The following PZP variants were observed in gnomAD, a reference collection of about 807,000 sequenced individuals.
PZP encodes PZP alpha-2-macroglobulin like.
PZP carries 150 observed loss-of-function variants against 179.8 expected under a neutral mutation model. The observed-to-expected ratio is 0.83, with a 90% CI of 0.73 to 0.96. PZP has a LOEUF of 0.96. PZP is among the 40% of genes least tolerant of loss of function. The pLI, the probability that PZP is intolerant of heterozygous loss-of-function variation, is 0.00. For missense variants in PZP, 1,689 were observed against 1,764.0 expected (o/e 0.96, Z 0.76); for synonymous variants, 624 against 652.3 (o/e 0.96, Z 0.66).
chr12:9,201,207 G>A, intron 5 of PZP, 120 bp downstream of exon 5: 2 of 1,324,848 alleles, frequency 1.5e-6, no homozygotes, highest in Non-Finnish European at 2.1e-6. Flanking sequence ...TGACAACTGG[G>A]AGTAGGAGGA....
intron 7 of PZP, among the ~76,000 whole-genome samples, chr12:9,198,053 T>C (rs1943937162): frequency 6.8e-6 from 1 of 147,656 alleles, no homozygotes; most frequent in Admixed American, 7.0e-5. Context: ...AACATATATA[T>C]ATATATGTTT....
chr12:9,188,397 C>T (rs1943253586), intron 13 of PZP, among the ~76,000 whole-genome samples: 1 of 152,178 alleles, frequency 6.6e-6, no homozygotes. Flanking sequence ...CCATCTATGA[C>T]AAACCCATGG....
chr12:9,140,145 A>T, the PZP span, among the ~76,000 whole-genome samples: 10 of 152,218 alleles, frequency 6.6e-5, no homozygotes, highest in Admixed American at 5.9e-4. Context: ...CATTAGGCTG[A>T]TGCCCTTTGG....
At chr12:9,203,739 G>A in intron 2 of PZP, 29 bp downstream of exon 2, 1 of 1,612,200 alleles carries the variant, frequency 6.2e-7, no homozygotes, top group Non-Finnish European at 8.5e-7. Flanking sequence ...TATCAAGCAG[G>A]GATAGCCAGC....
At chr12:9,194,666 A>C in intron 10 of PZP, among the ~76,000 whole-genome samples, 3 of 151,988 alleles carry the variant, frequency 2.0e-5, no homozygotes, top group Middle Eastern at 6.8e-3. Flanking sequence ...GGGTTTCACC[A>C]TGTTAGCCAG....
downstream of PZP, among the ~76,000 whole-genome samples, chr12:9,146,036 G>T (rs1156772524): frequency 1.3e-5 from 2 of 152,056 alleles, no homozygotes; most frequent in African/African-American, 4.8e-5. Context: ...ATCTTACTTA[G>T]TTATTTTTGA....
At chr12:9,144,229 G>C (rs754526042), downstream of PZP, among the ~76,000 whole-genome samples, 1 of 152,280 alleles carries the variant, frequency 6.6e-6, no homozygotes, top group African/African-American at 2.4e-5. Context: ...TGAGGGAGGA[G>C]GAGGGGACAA....
chr12:9,201,722 C>T (rs901764811), intron 4 of PZP, among the ~76,000 whole-genome samples: 2 of 151,920 alleles, frequency 1.3e-5, no homozygotes, highest in Non-Finnish European at 2.9e-5. Flanking sequence ...TGATTTAGAC[C>T]TAACAGAAAT....
At chr12:9,145,776 A>G (rs1163760938), downstream of PZP, among the ~76,000 whole-genome samples, 1 of 152,168 alleles carries the variant, frequency 6.6e-6, no homozygotes, top group Non-Finnish European at 1.5e-5. Flanking sequence ...GAAAGTCTTT[A>G]TTACTCCTCC....
At chr12:9,190,839 T>C (rs1342056514) in intron 13 of PZP, among the ~76,000 whole-genome samples, 1 of 152,194 alleles carries the variant, frequency 6.6e-6, no homozygotes, top group African/African-American at 2.4e-5. Flanking sequence ...GAGAACAATA[T>C]GAGGAAGCTC....
At position 9,208,297 on chromosome 12, in the gene PZP, A is replaced by T; in HGVS notation, c.45T>A (p.Leu15=). ...RLLHLCLVLL[L]ILLSASDSNS... is the part of the protein sequence containing the mutation. ...TTGAGTCACTGGCAGAAAGCAGGATAAGAAGTAGCACAAGACATAAATGAA... is the reference window on the plus strand; with the variant it reads ...TTGAGTCACTGGCAGAAAGCAGGATTAGAAGTAGCACAAGACATAAATGAA... Residue 15 remains leucine, a synonymous_variant, in exon 1 of 36, where the codon CTT becomes CTA. Coordinates refer to ENST00000261336, the MANE Select transcript of PZP (RefSeq NM_002864.3). 4 of 1,613,766 alleles carry T rather than the reference A, an allele frequency of 2.5e-6. No homozygotes were observed. The highest frequency in any genetic ancestry group is 3.4e-6 in the Non-Finnish European group (4 of 1,179,716).
At chr12:9,193,647 T>G (rs781561436) in intron 11 of PZP, among the ~76,000 whole-genome samples, 1 of 152,336 alleles carries the variant, frequency 6.6e-6, no homozygotes, top group African/African-American at 2.4e-5. Context: ...ATCACTTCTT[T>G]GAGATAACAA....
chr12:9,194,020 T>C, intron 11 of PZP, 57 bp downstream of exon 11: 1 of 1,487,522 alleles, frequency 6.7e-7, no homozygotes, highest in Admixed American at 1.8e-5. Flanking sequence ...TTCTTCTGAA[T>C]ATATCACTGT....
chr12:9,168,910 G>T lies in PZP; in HGVS notation c.2066C>A (p.Pro689His), dbSNP rs1462466206. ...IRKPKSCSVI[P>H]SVSAGAVGQG... ...ACCTACTGCTCCTGCAGACACGGAA[G>T]GGATGACTGAACACGACTTTGGTTT... is the stretch of plus-strand genomic sequence containing the variant. Residue 689 changes from proline to histidine, a missense_variant, in exon 17 of 36, where the codon CCT becomes CAT. Around this residue, in one of 3 missense-constraint regions of PZP, gnomAD observed 201 missense variants for 284.2 expected, o/e 0.71. Coordinates refer to ENST00000261336, the MANE Select transcript of PZP (RefSeq NM_002864.3). The T allele has an allele frequency of 6.2e-7, 1 of 1,613,870 alleles. No individual in the cohort carries two copies.
chr12:9,201,284 A>G (rs1944142790), intron 5 of PZP, 43 bp downstream of exon 5: 1 of 1,489,344 alleles, frequency 6.7e-7, no homozygotes. Context: ...CCTACTCTCT[A>G]AAAGCACTAA....
chr12:9,157,974 G>T, intron 26 of PZP, 133 bp from the exon 27 acceptor site: 1 of 773,158 alleles, frequency 1.3e-6, no homozygotes, highest in Non-Finnish European at 2.1e-6. Flanking sequence ...TCTCTCTCTC[G>T]ACAGGTTCTT....
At position 9,194,462 on chromosome 12, in the gene PZP, GTT is replaced by G. The variant is rs5796342; in HGVS notation, c.1093-226_1093-225del. Among the ~76,000 whole-genome samples, 410 of 90,802 alleles carry G rather than the reference GTT, an allele frequency of 4.5e-3. 2 individuals are homozygous for G. The highest frequency in any genetic ancestry group is 8.4e-3 in the African/African-American group (223 of 26,610). The allele number at this position is 90,802 out of a possible 152,430, so 59.6% of individuals were successfully genotyped here. A position where few individuals can be genotyped will look rare whatever the true frequency, so the allele number is the denominator to read the frequency against. The stretch of plus-strand genomic sequence containing the variant: ...GTAGTATTTCCAGTAAAGTCAGGGA[GTT>G]TTTTTTTTTTTTTTTTTTGAGACGG... On this transcript the variant is annotated intron_variant, in intron 10 of 35. Coordinates refer to ENST00000261336, the MANE Select transcript of PZP (RefSeq NM_002864.3).
At chr12:9,147,218 A>G (rs191454258), downstream of PZP, among the ~76,000 whole-genome samples, 378 of 152,324 alleles carry the variant, frequency 2.5e-3, 4 homozygotes, top group Middle Eastern at 0.02. Flanking sequence ...AGAAGGATCT[A>G]TAGTGCCTAC....
At chr12:9,169,886 G>C (rs1030814262) in intron 15 of PZP, 3 of 213,410 alleles carry the variant, frequency 1.4e-5, no homozygotes, top group African/African-American at 2.3e-5. Flanking sequence ...ATAGAAAGAA[G>C]ACGTAACTTG....
Sources: allele counts gnomAD v4.1 joint callset (sites outside exome capture counted in the v4.1 genomes callset), GRCh38; gene constraint gnomAD v4.1.1; regional missense constraint gnomAD v4.1.1; transcripts MANE v1.5; gene names NCBI Gene and HGNC (gene_info 2026-07-23, HGNC 2026-07-21).